GRM3: variants seen among roughly 807,000 people sequenced by gnomAD.
GRM3 encodes glutamate metabotropic receptor 3.
Under a neutral mutation model 70.5 loss-of-function variants are expected in GRM3, and 26 were observed. The observed-to-expected ratio is 0.37, with a 90% CI of 0.27 to 0.51. The LOEUF is 0.51. Among genes scored for constraint, GRM3 ranks in the 20% least tolerant of loss-of-function variants. The pLI is 0.93. For synonymous variants in GRM3, 443 were observed against 434.9 expected, an observed-to-expected ratio of 1.02 and a Z score of -0.23; for missense variants, 859 against 1,123.8, an observed-to-expected ratio of 0.76 and a Z score of 3.37.
chr7:86,675,042 A>G (rs577822899), intron 1 of GRM3, among the ~76,000 whole-genome samples: 1 of 152,268 alleles, frequency 6.6e-6, no homozygotes, highest in African/African-American at 2.4e-5. Context: ...TATTCTCTTT[A>G]TACAAACTGG....
At chr7:86,740,461 A>G (rs946281416) in intron 1 of GRM3, among the ~76,000 whole-genome samples, 1 of 152,120 alleles carries the variant, frequency 6.6e-6, no homozygotes, top group Non-Finnish European at 1.5e-5. Context: ...ACTGTTTGAC[A>G]AAAGAAACAT....
At chr7:86,852,202 C>A (rs760906690) in intron 5 of GRM3, among the ~76,000 whole-genome samples, 3 of 152,080 alleles carry the variant, frequency 2.0e-5, no homozygotes, top group Non-Finnish European at 4.4e-5. Flanking sequence ...CCAGGCTTTG[C>A]AGAGAGAATA....
intron 4 of GRM3, among the ~76,000 whole-genome samples, chr7:86,843,846 G>T (rs540862182): frequency 6.6e-6 from 1 of 152,136 alleles, no homozygotes; most frequent in Non-Finnish European, 1.5e-5. Context: ...ATGCTGTAAT[G>T]AGATTTTTAA....
At chr7:86,694,803 CTTATTGTT>C (rs1246970252) in intron 1 of GRM3, among the ~76,000 whole-genome samples, 2 of 152,144 alleles carry the variant, frequency 1.3e-5, no homozygotes, top group Non-Finnish European at 2.9e-5. Flanking sequence ...CAAGACAGCG[CTTATTGTT>C]TGACAAGCAA....
intron 4 of GRM3, among the ~76,000 whole-genome samples, chr7:86,849,503 T>C (rs1022351006): frequency 1.3e-5 from 2 of 152,212 alleles, no homozygotes; most frequent in African/African-American, 4.8e-5. Flanking sequence ...AGTCTTCAGC[T>C]TTCCTTGATT....
At chr7:86,794,838 A>G (rs565245469) in intron 3 of GRM3, among the ~76,000 whole-genome samples, 1 of 152,248 alleles carries the variant, frequency 6.6e-6, no homozygotes, top group African/African-American at 2.4e-5. Flanking sequence ...AGTCATAGTA[A>G]TAACATTCCA....
chr7:86,731,662 T>C (rs1165139309), intron 1 of GRM3, among the ~76,000 whole-genome samples: 1 of 152,174 alleles, frequency 6.6e-6, no homozygotes, highest in Non-Finnish European at 1.5e-5. Context: ...CTAGGATTTT[T>C]GAAAATAGGT....
chr7:86,842,410 C>T (rs1174084296), intron 4 of GRM3, among the ~76,000 whole-genome samples: 1 of 152,082 alleles, frequency 6.6e-6, no homozygotes, highest in Non-Finnish European at 1.5e-5. Context: ...TAGTGCTCAC[C>T]CCTGAAGACA....
At chr7:86,697,207 T>TA (rs1156718769) in intron 1 of GRM3, among the ~76,000 whole-genome samples, 2 of 151,352 alleles carry the variant, frequency 1.3e-5, no homozygotes, top group Admixed American at 6.6e-5. Flanking sequence ...CGTTGTCTCC[T>TA]AACACACAGG....
At chr7:86,845,943 C>T (rs1338110072) in intron 4 of GRM3, among the ~76,000 whole-genome samples, 1 of 152,108 alleles carries the variant, frequency 6.6e-6, no homozygotes, top group African/African-American at 2.4e-5. Context: ...ACTAATTTGG[C>T]CTTTACTCAC....
At chr7:86,743,917 C>T (rs1028066180) in intron 1 of GRM3, among the ~76,000 whole-genome samples, 2 of 152,118 alleles carry the variant, frequency 1.3e-5, no homozygotes, top group Admixed American at 6.6e-5. Context: ...AGATACTACA[C>T]TGAAAGGTTT....
intron 1 of GRM3, among the ~76,000 whole-genome samples, chr7:86,710,808 G>T (rs1370970209): frequency 5.3e-5 from 8 of 151,992 alleles, no homozygotes; most frequent in Non-Finnish European, 8.8e-5. Flanking sequence ...TGTCTTTAAA[G>T]TGTTACTATG....
Position 86,751,212 on chromosome 7 carries a change from T to C in GRM3, c.-140-13794T>C, listed in dbSNP as rs1249413688. On this transcript the variant is annotated intron_variant, in intron 1 of 5. Coordinates refer to ENST00000361669, the MANE Select transcript of GRM3 (RefSeq NM_000840.3). ...TCTGCCATGCAGTTTGCCCATCCAGTTGGAAATGGTAATCTATCCCAACCT... is the reference window on the plus strand; with the variant it reads ...TCTGCCATGCAGTTTGCCCATCCAGCTGGAAATGGTAATCTATCCCAACCT... Among the ~76,000 whole-genome samples, 8 of 152,036 alleles carry C rather than the reference T, an allele frequency of 5.3e-5. No homozygotes were observed. The East Asian group carries it at 1.5e-3, about 29-fold the overall frequency.
At chr7:86,654,947 A>G (rs1418906949) in intron 1 of GRM3, among the ~76,000 whole-genome samples, 2 of 152,232 alleles carry the variant, frequency 1.3e-5, no homozygotes, top group African/African-American at 2.4e-5. Context: ...AGAATGAGGG[A>G]TGTACAAAAG....
intron 1 of GRM3, among the ~76,000 whole-genome samples, chr7:86,666,085 G>A (rs1794018516): frequency 6.6e-6 from 1 of 151,988 alleles, no homozygotes; most frequent in African/African-American, 2.4e-5. Context: ...ACAGGAGCAA[G>A]TTGAAATGTA....
chr7:86,765,669 G>A, intron 2 of GRM3, 56 bp downstream of exon 2: 1 of 1,459,754 alleles, frequency 6.9e-7, no homozygotes, highest in Non-Finnish European at 9.4e-7. Flanking sequence ...TTTATGTGTT[G>A]GGGGAACAAA....
At chr7:86,804,346 A>G (rs971890777) in intron 3 of GRM3, among the ~76,000 whole-genome samples, 1 of 152,224 alleles carries the variant, frequency 6.6e-6, no homozygotes, top group Non-Finnish European at 1.5e-5. Flanking sequence ...TCATCTGCTA[A>G]TATTTCAGAA....
chr7:86,803,199 T>C (rs932425440), intron 3 of GRM3, among the ~76,000 whole-genome samples: 17 of 152,210 alleles, frequency 1.1e-4, no homozygotes, highest in African/African-American at 3.6e-4. Context: ...ATTCACTATG[T>C]GTAATCTTCA....
intron 1 of GRM3, among the ~76,000 whole-genome samples, chr7:86,699,090 A>G (rs771041888): frequency 9.2e-5 from 14 of 152,114 alleles, no homozygotes; most frequent in Non-Finnish European, 1.8e-4. Flanking sequence ...ACCATAAAAA[A>G]GAAATACAGG....
Sources: gnomAD v4.1 joint callset for allele counts (sites outside exome capture counted in the v4.1 genomes callset) on GRCh38, gnomAD v4.1.1 for gene constraint, MANE v1.5 for transcripts, NCBI Gene and HGNC (gene_info 2026-07-23, HGNC 2026-07-21) for gene names.